C8orf34: variants seen among roughly 807,000 people sequenced by gnomAD.
The protein encoded by C8orf34 is chromosome 8 open reading frame 34, also known as uncharacterized protein C8orf34.
Under a neutral mutation model 68.3 loss-of-function variants are expected in C8orf34, and 65 were observed. That is an observed-to-expected ratio of 0.95 (90% CI 0.78 to 1.17). C8orf34 has a LOEUF of 1.17. Among genes scored for constraint, C8orf34 ranks in the 50% most tolerant of loss-of-function variants. C8orf34 has a pLI of 0.00. For synonymous variants in C8orf34, 244 were observed against 241.2 expected (o/e 1.01, Z -0.11); for missense variants, 664 against 655.4 (o/e 1.01, Z -0.14).
intron 3 of C8orf34, among the ~76,000 whole-genome samples, chr8:68,452,894 T>TA: frequency 6.6e-6 from 1 of 151,968 alleles, no homozygotes; most frequent in East Asian, 1.9e-4. Flanking sequence ...AGTTATAGTT[T>TA]ATGCTCTTAC....
At chr8:68,786,648 A>C (rs2129528970) in intron 11 of C8orf34, among the ~76,000 whole-genome samples, 1 of 152,302 alleles carries the variant, frequency 6.6e-6, no homozygotes, top group East Asian at 1.9e-4. Context: ...TTATAGCTGG[A>C]GTGGTCAAGG....
intron 1 of C8orf34, among the ~76,000 whole-genome samples, chr8:68,355,717 A>G (rs1261720683): frequency 3.3e-5 from 5 of 152,190 alleles, no homozygotes; most frequent in African/African-American, 1.2e-4. Flanking sequence ...TGGGCAGGGC[A>G]AAGTGTACGT....
chr8:68,451,548 G>A (rs899724439), intron 3 of C8orf34, among the ~76,000 whole-genome samples: 1 of 151,978 alleles, frequency 6.6e-6, no homozygotes, highest in East Asian at 1.9e-4. Flanking sequence ...TTTCAAAATT[G>A]TTGTGTTTCA....
chr8:68,724,263 G>C (rs1275370170), intron 10 of C8orf34, among the ~76,000 whole-genome samples: 1 of 152,100 alleles, frequency 6.6e-6, no homozygotes, highest in Non-Finnish European at 1.5e-5. Flanking sequence ...TAAATATTAT[G>C]AAGAATTGGA....
rs138559115 is a variant in C8orf34 at position 68,506,558 on chromosome 8, T to C, written c.766-15241T>C. Among the ~76,000 whole-genome samples, 682 of 152,316 alleles carry C rather than the reference T, an allele frequency of 4.5e-3. 9 individuals carry two copies. The highest frequency in any genetic ancestry group is 0.041 in the South Asian group (199 of 4,826). ...TGCCTGATTTTTTTTTGCCCATTTT[T>C]ATTGCTCATTTCTTTTCTTTGAGTT... On this transcript the variant is annotated intron_variant, in intron 5 of 13. Transcript: ENST00000518698.
At chr8:68,412,234 G>A (rs906484126) in intron 1 of C8orf34, among the ~76,000 whole-genome samples, 9 of 152,044 alleles carry the variant, frequency 5.9e-5, no homozygotes, top group African/African-American at 1.4e-4. Context: ...AACCATTTAC[G>A]CACACTGACT....
At chr8:68,471,456 G>A (rs961790478) in intron 4 of C8orf34, among the ~76,000 whole-genome samples, 1 of 152,104 alleles carries the variant, frequency 6.6e-6, no homozygotes, top group Non-Finnish European at 1.5e-5. Flanking sequence ...GCTGATGATT[G>A]TTTATCAGTC....
At chr8:68,342,745 T>C (rs959344775) in intron 1 of C8orf34, among the ~76,000 whole-genome samples, 2 of 152,128 alleles carry the variant, frequency 1.3e-5, no homozygotes, top group African/African-American at 2.4e-5. Context: ...AGTTATCAGA[T>C]TGACTCTTGT....
chr8:68,441,705 T>G (rs1470681171), intron 2 of C8orf34, among the ~76,000 whole-genome samples: 3 of 152,190 alleles, frequency 2.0e-5, no homozygotes, highest in African/African-American at 7.2e-5. Context: ...ATTTCTCTCA[T>G]TCCAATCTAC....
At chr8:68,332,800 C>CT (rs1239013094) in intron 1 of C8orf34, among the ~76,000 whole-genome samples, 2 of 152,068 alleles carry the variant, frequency 1.3e-5, no homozygotes, top group African/African-American at 4.8e-5. Context: ...TGCTTTGATT[C>CT]TTTTTTCTGC....
chr8:68,638,532 G>A (rs1165423335), intron 7 of C8orf34, among the ~76,000 whole-genome samples: 1 of 151,964 alleles, frequency 6.6e-6, no homozygotes, highest in Non-Finnish European at 1.5e-5. Flanking sequence ...ACCTCTGTAT[G>A]GAGCAGGAGT....
chr8:68,805,936 T>G (rs1824467198), intron 12 of C8orf34, among the ~76,000 whole-genome samples: 1 of 152,104 alleles, frequency 6.6e-6, no homozygotes. Context: ...TTGCCTTTTT[T>G]GGGATAATTT....
In C8orf34 at chr8:68,449,713, A is replaced by G. The variant is rs533810131; in HGVS notation, c.607+3253A>G. Reference sequence around the variant, plus strand: ...AAATACTTTATTGCCAAAGATTCGAACAATCATCTGAGCTTTCAATGAGTC... The same window carrying G: ...AAATACTTTATTGCCAAAGATTCGAGCAATCATCTGAGCTTTCAATGAGTC... On this transcript the variant is annotated intron_variant, in intron 3 of 13. Transcript: ENST00000518698. Among the ~76,000 whole-genome samples, 6 of 152,266 alleles carry G rather than the reference A, an allele frequency of 3.9e-5. No individual in the cohort carries two copies. In the South Asian group the frequency reaches 8.3e-4, roughly 21 times the overall value.
intron 5 of C8orf34, among the ~76,000 whole-genome samples, chr8:68,498,998 G>A (rs1042426747): frequency 6.6e-6 from 1 of 152,082 alleles, no homozygotes; most frequent in South Asian, 2.1e-4. Context: ...TGAAACTGAG[G>A]TTTGGGGTAT....
At chr8:68,425,446 T>C (rs973035686) in intron 1 of C8orf34, among the ~76,000 whole-genome samples, 6 of 152,138 alleles carry the variant, frequency 3.9e-5, no homozygotes, top group African/African-American at 1.4e-4. Flanking sequence ...TAAAATCAAT[T>C]GAATTTCTGT....
At chr8:68,511,152 A>T (rs181351323) in intron 5 of C8orf34, among the ~76,000 whole-genome samples, 23 of 152,354 alleles carry the variant, frequency 1.5e-4, no homozygotes, top group Admixed American at 1.2e-3. Flanking sequence ...TTGCTGTTAT[A>T]AATAAATTTT....
intron 1 of C8orf34, among the ~76,000 whole-genome samples, chr8:68,376,968 T>A (rs937053765): frequency 6.6e-6 from 1 of 152,220 alleles, no homozygotes; most frequent in African/African-American, 2.4e-5. Context: ...GAGTTCCAAA[T>A]TTCCCAGTGG....
chr8:68,558,893 G>C (rs575032223), intron 7 of C8orf34, among the ~76,000 whole-genome samples: 1 of 152,244 alleles, frequency 6.6e-6, no homozygotes, highest in East Asian at 1.9e-4. Context: ...ACAAATCCAT[G>C]TTGTATAAAC....
At chr8:68,624,714 A>G (rs1336277868) in intron 7 of C8orf34, among the ~76,000 whole-genome samples, 1 of 152,078 alleles carries the variant, frequency 6.6e-6, no homozygotes, top group Non-Finnish European at 1.5e-5. Flanking sequence ...GAATATAGAC[A>G]GTTCCTGCCC....
Sources: gnomAD v4.1 joint callset for allele counts (sites outside exome capture counted in the v4.1 genomes callset) on GRCh38, gnomAD v4.1.1 for gene constraint, MANE v1.5 for transcripts, NCBI Gene and HGNC (gene_info 2026-07-23, HGNC 2026-07-21) for gene names.